IQGAP3: variants seen among roughly 807,000 people sequenced by gnomAD.
The protein encoded by IQGAP3 is ras GTPase-activating-like protein IQGAP3.
A neutral mutation model predicts 208.2 loss-of-function variants in IQGAP3; 165 were observed. The ratio of observed to expected loss-of-function variants is 0.79; its 90% CI spans 0.70 to 0.90. The LOEUF (loss-of-function observed/expected upper bound fraction) is 0.90. Ranked by LOEUF, IQGAP3 falls within the 40% of genes least tolerant of loss-of-function variation. The probability of loss-of-function intolerance (pLI) is 0.00; values close to 1 mark genes in which losing one functional copy is unlikely to be tolerated. For missense variants in IQGAP3, 1,811 were observed against 2,043.1 expected, an observed-to-expected ratio of 0.89 and a Z score of 2.19; for synonymous variants, 703 against 803.6, an observed-to-expected ratio of 0.87 and a Z score of 2.12.
Position 156,564,596 on chromosome 1 carries a change from A to G in IQGAP3, c.437+19T>C, listed in dbSNP as rs1227110860. On this transcript the variant is annotated intron_variant, in intron 5 of 37. Coordinates refer to ENST00000361170, the MANE Select transcript of IQGAP3 (RefSeq NM_178229.5). ...ATCCACCTAGAGGAACCTGGATGAT[A>G]AAATTTGAGGTCTCTCACCTGAGAG... The G allele has an allele frequency of 6.4e-7, 1 of 1,566,380 alleles. No homozygotes were observed. The highest frequency in any genetic ancestry group is 8.8e-7 in the Non-Finnish European group (1 of 1,136,704).
chr1:156,565,793 G>A lies in IQGAP3; in HGVS notation c.360+234C>T, dbSNP rs74116901. On this transcript the variant is annotated intron_variant, in intron 4 of 37. Coordinates refer to ENST00000361170, the MANE Select transcript of IQGAP3 (RefSeq NM_178229.5). Reference sequence around the variant, plus strand: ...TCCCACCCCCTGCATAATGGGAACCGTGCCACTCAGGCCAGGGAAACTTCA... The same window carrying A: ...TCCCACCCCCTGCATAATGGGAACCATGCCACTCAGGCCAGGGAAACTTCA... Among the ~76,000 whole-genome samples, 997 of 152,250 alleles carry A rather than the reference G, an allele frequency of 6.5e-3. 6 individuals are homozygous for A. Among genetic ancestry groups the A allele is most frequent in the South Asian group, 0.022 (105 of 4,826 alleles).
chr1:156,535,593 C>T (rs1182696184), intron 27 of IQGAP3, among the ~76,000 whole-genome samples: 1 of 152,224 alleles, frequency 6.6e-6, no homozygotes, highest in East Asian at 1.9e-4. Flanking sequence ...CCCCATCCCC[C>T]AGAGGCACCA....
chr1:156,532,829 G>T, intron 32 of IQGAP3, 151 bp downstream of exon 32: 1 of 727,528 alleles, frequency 1.4e-6, no homozygotes, highest in Non-Finnish European at 2.2e-6. Flanking sequence ...AGGCTGCAGC[G>T]AGGGGAATAA....
intron 19 of IQGAP3, among the ~76,000 whole-genome samples, chr1:156,545,790 T>G (rs1252372349): frequency 6.6e-6 from 1 of 152,146 alleles, no homozygotes; most frequent in East Asian, 1.9e-4. Flanking sequence ...TGAGCCACCA[T>G]GCTTGGCCCT....
chr1:156,561,173 G>GT (rs371964545), intron 10 of IQGAP3, 152 bp from the exon 11 acceptor site: 50,846 of 428,780 alleles, frequency 0.12, 30 homozygotes, highest in East Asian at 0.18. Context: ...CCTATTAACC[G>GT]TTTTTTTTTT....
chr1:156,538,469 C>T (rs531561270), intron 26 of IQGAP3, among the ~76,000 whole-genome samples: 4 of 152,324 alleles, frequency 2.6e-5, no homozygotes, highest in African/African-American at 7.2e-5. Context: ...GGATTACAGG[C>T]GTGAGCCACT....
At position 156,528,584 on chromosome 1, in the gene IQGAP3, G is replaced by A. The variant is rs1185448855; in HGVS notation, c.4598C>T (p.Pro1533Leu). ...SKSSGKGKKQ[P>L]SLHYTAAQLL... ...CTGAGCAGCAGTGTAATGAAGAGAA[G>A]GCTGCTTCTTCCCCTTCCCAGAACT... The change falls in exon 36 of 38, where the codon CCT becomes CTT. Residue 1533 changes from proline (P) to leucine (L), a missense_variant. By Grantham distance (98) the Pro-to-Leu change is moderately conservative. Transcript: ENST00000361170. 6.2e-7 allele frequency: 1 copy of A among 1,613,720 alleles called. No homozygotes were observed. The highest frequency in any genetic ancestry group is 1.1e-5 in the South Asian group (1 of 91,066).
Position 156,534,652 on chromosome 1 carries a change from C to T in IQGAP3, c.3589G>A (p.Ala1197Thr). ...PDAFDIVAMA[A>T]GGALAAPQRH... is the part of the protein sequence containing the mutation. ...TGGGGGGCAGCCAGGGCTCCACCAG[C>T]TGCCATGGCCACAATGTCGAAGGCG... Residue 1197 changes from alanine (A) to threonine (T), a missense_variant, in exon 29 of 38, where the codon GCT (alanine) becomes ACT (threonine). Ala to Thr is a moderately conservative substitution (Grantham distance 58). Transcript: ENST00000361170. The T allele has an allele frequency of 6.2e-7, 1 of 1,611,998 alleles. No homozygotes were observed. Among genetic ancestry groups the T allele is most frequent in the Non-Finnish European group, 8.5e-7 (1 of 1,179,642 alleles).
chr1:156,537,948 A>G (rs1451735563), intron 26 of IQGAP3, among the ~76,000 whole-genome samples: 1 of 149,810 alleles, frequency 6.7e-6, no homozygotes. Flanking sequence ...CTAGAGCTGG[A>G]GTGCAGTGGT....
chr1:156,563,879 C>G (rs1571362709), intron 5 of IQGAP3, 55 bp from the exon 6 acceptor site: 1 of 1,469,474 alleles, frequency 6.8e-7, no homozygotes, highest in East Asian at 2.3e-5. Context: ...TTTTGACACT[C>G]TGCCCACGAT....
chr1:156,541,409 G>A (rs1212581330), intron 22 of IQGAP3, among the ~76,000 whole-genome samples: 1 of 152,024 alleles, frequency 6.6e-6, no homozygotes, highest in African/African-American at 2.4e-5. Flanking sequence ...GATGGACAGT[G>A]GGCTTTATAA....
At chr1:156,529,970 C>A (rs984632505) in intron 34 of IQGAP3, 135 bp downstream of exon 34, 34 of 630,860 alleles carry the variant, frequency 5.4e-5, no homozygotes, top group Non-Finnish European at 7.0e-5. Flanking sequence ...GGACCCTCAG[C>A]CTTCCTCTGG....
intron 23 of IQGAP3, 117 bp from the exon 24 acceptor site, chr1:156,540,107 C>T: frequency 8.5e-7 from 1 of 1,181,808 alleles, no homozygotes; most frequent in East Asian, 2.4e-5. Flanking sequence ...AAGGAACAGG[C>T]ATAAGCTGGG....
At chr1:156,535,618 G>A (rs1158644626) in intron 27 of IQGAP3, among the ~76,000 whole-genome samples, 2 of 152,142 alleles carry the variant, frequency 1.3e-5, no homozygotes, top group East Asian at 3.9e-4. Flanking sequence ...CCTAAAGCTT[G>A]GGTATCTGAC....
Position 156,569,384 on chromosome 1 carries a change from C to T in IQGAP3, c.117G>A (p.Glu39=). The change falls in exon 2 of 38, where the codon GAG becomes GAA. Residue 39 remains glutamate (E), a synonymous_variant. Coordinates refer to ENST00000361170, the MANE Select transcript of IQGAP3 (RefSeq NM_178229.5). ...TCCTGGACTCCGCTCACCGCTTGGCCTCCTCCAGCCGGCACAGGTACTGAT... is the reference window on the plus strand; with the variant it reads ...TCCTGGACTCCGCTCACCGCTTGGCTTCCTCCAGCCGGCACAGGTACTGAT... ...VAYQYLCRLE[E]AKRWMEACLK... The T allele has an allele frequency of 1.2e-6, 2 of 1,612,418 alleles. No individual in the cohort carries two copies. Among genetic ancestry groups the T allele is most frequent in the Non-Finnish European group, 1.7e-6 (2 of 1,178,830 alleles).
In IQGAP3 at chr1:156,548,074, T is replaced by C. The variant is rs777575989; in HGVS notation, c.2303A>G (p.Gln768Arg). 6.8e-6 allele frequency: 11 copies of C among 1,612,470 alleles called. No individual in the cohort carries two copies. In the South Asian group the frequency reaches 9.9e-5, roughly 15 times the overall value. Residue 768 changes from glutamine to arginine, a missense_variant and splice_region_variant, in exon 19 of 38, where the codon CAG (glutamine) becomes CGG (arginine). Coordinates refer to ENST00000361170, the MANE Select transcript of IQGAP3 (RefSeq NM_178229.5). ...ACTGAGAAAGCCAGAGCCTGCCACC[T>C]GGATCTTGATGACTGCTGGGAGCCA... ...RTWLPAVIKI[Q>R]AHWRGYRQRK...
intron 2 of IQGAP3, among the ~76,000 whole-genome samples, chr1:156,566,960 A>G (rs1774952): frequency 0.31 from 46,574 of 149,672 alleles, 7,519 homozygotes; most frequent in East Asian, 0.53. Flanking sequence ...TCCGCCTCCC[A>G]GGTTCAAGTG....
intron 19 of IQGAP3, 76 bp from the exon 20 acceptor site, chr1:156,544,548 T>A: frequency 8.0e-7 from 1 of 1,248,776 alleles, no homozygotes; most frequent in Non-Finnish European, 1.2e-6. Flanking sequence ...AAAATCTTTG[T>A]CCTGGGCCCT....
chr1:156,527,025 G>C (rs1266282612), intron 37 of IQGAP3, among the ~76,000 whole-genome samples: 1 of 151,312 alleles, frequency 6.6e-6, no homozygotes, highest in Non-Finnish European at 1.5e-5. Flanking sequence ...TAGAGACAGG[G>C]TTTCACTATA....
Sources: gnomAD v4.1 joint callset for allele counts (sites outside exome capture counted in the v4.1 genomes callset) on GRCh38, gnomAD v4.1.1 for gene constraint, MANE v1.5 for transcripts, NCBI Gene and HGNC (gene_info 2026-07-23, HGNC 2026-07-21) for gene names.